The following PREX2 variants were observed in gnomAD, a reference collection of about 807,000 sequenced individuals.
PREX2 encodes the protein phosphatidylinositol 3,4,5-trisphosphate-dependent Rac exchanger 2 protein.
A neutral mutation model predicts 203.2 loss-of-function variants in PREX2; 107 were observed. The ratio of observed to expected loss-of-function variants is 0.53; its 90% CI spans 0.45 to 0.62. PREX2 has a LOEUF of 0.62. Among genes scored for constraint, PREX2 ranks in the 20% least tolerant of loss-of-function variants. PREX2 has a pLI of 0.00. For synonymous variants in PREX2, 672 were observed against 663.6 expected, an observed-to-expected ratio of 1.01 and a Z score of -0.19; for missense variants, 1,777 against 1,955.9, an observed-to-expected ratio of 0.91 and a Z score of 1.72.
intron 32 of PREX2, among the ~76,000 whole-genome samples, chr8:68,136,907 A>C (rs1335564692): frequency 2.2e-4 from 33 of 149,166 alleles, no homozygotes; most frequent in African/African-American, 7.6e-4. Context: ...AGGTTACAGC[A>C]ACTTTTTTTT....
rs1354567033 is a variant in PREX2, at chr8:68,046,677, TAAGATGAAA to T, written c.943+2089_943+2097del. ...TTCGCAGGCTTGATTTTCTTTAAAG[TAAGATGAAA>T]ACATTTATTACATCTTGTATTATTC... is the stretch of plus-strand genomic sequence containing the variant. On this transcript the variant is annotated intron_variant, in intron 8 of 39. Transcript: ENST00000288368. Among the ~76,000 whole-genome samples, 46 of 152,238 alleles carry T rather than the reference TAAGATGAAA, an allele frequency of 3.0e-4. 1 individual carries two copies. The Middle Eastern group carries it at 0.017, about 56-fold the overall frequency.
chr8:68,013,341 ACAAT>A (rs1453870243), intron 1 of PREX2, among the ~76,000 whole-genome samples: 2 of 152,172 alleles, frequency 1.3e-5, no homozygotes, highest in African/African-American at 4.8e-5. Context: ...TGTGCCAGTG[ACAAT>A]CAACTTTTTA....
At chr8:67,962,409 G>A (rs530161878) in intron 1 of PREX2, among the ~76,000 whole-genome samples, 56 of 151,990 alleles carry the variant, frequency 3.7e-4, no homozygotes, top group African/African-American at 1.3e-3. Flanking sequence ...GACCATCTAT[G>A]GAAAGGCATT....
At chr8:68,087,169 C>T (rs1809717787) in intron 18 of PREX2, among the ~76,000 whole-genome samples, 1 of 152,138 alleles carries the variant, frequency 6.6e-6, no homozygotes. Flanking sequence ...CTTTCTGTGT[C>T]AGAGTAGTTA....
At chr8:68,154,872 A>G (rs925170828) in intron 34 of PREX2, among the ~76,000 whole-genome samples, 49 of 152,304 alleles carry the variant, frequency 3.2e-4, no homozygotes, top group Non-Finnish European at 1.6e-4. Context: ...ACCCTTCTTC[A>G]TAGGCGATGG....
At chr8:68,080,354 C>T in intron 15 of PREX2, 89 bp from the exon 16 acceptor site, 1 of 1,117,488 alleles carries the variant, frequency 8.9e-7, no homozygotes. Context: ...GTTATGGGTG[C>T]AGGTATTAAT....
chr8:68,033,230 T>C (rs974819537), intron 6 of PREX2, among the ~76,000 whole-genome samples: 1 of 152,164 alleles, frequency 6.6e-6, no homozygotes, highest in Non-Finnish European at 1.5e-5. Flanking sequence ...GCAAAACATA[T>C]GACAGTGAGA....
chr8:68,062,595 A>G (rs1808890697), intron 11 of PREX2, among the ~76,000 whole-genome samples: 1 of 152,190 alleles, frequency 6.6e-6, no homozygotes, highest in South Asian at 2.1e-4. Flanking sequence ...ACAGTTATTT[A>G]TTAATCCCTA....
At chr8:68,184,499 TA>T (rs557517158) in intron 35 of PREX2, among the ~76,000 whole-genome samples, 7 of 152,202 alleles carry the variant, frequency 4.6e-5, no homozygotes, top group Non-Finnish European at 8.8e-5. Context: ...AAAAGCAACC[TA>T]ATACCGTTTA....
At position 68,120,937 on chromosome 8, in the gene PREX2, GGA is replaced by G. The variant is rs775433990; in HGVS notation, c.3613_3614del (p.Glu1205ThrfsTer36). 2.5e-6 allele frequency: 4 copies of G among 1,612,354 alleles called. No homozygotes were observed. The highest frequency in any genetic ancestry group is 8.5e-7 in the Non-Finnish European group (1 of 1,179,224). On this transcript the variant is annotated frameshift_variant, in exon 30 of 40. Coordinates refer to ENST00000288368, the MANE Select transcript of PREX2 (RefSeq NM_024870.4). LOFTEE classifies it high-confidence loss of function. ...RGLQEFQQEMEPKLSCPKRLR... is the reference protein window; with the variant it reads ...RGLQEFQQEMXPKLSCPKRLR... ...TTTATTTAGAATTTCAACAGGAAATGGAACCAAAGCTGAGTTGTCCAAAAAGG... is the reference window on the plus strand; with the variant it reads ...TTTATTTAGAATTTCAACAGGAAATGACCAAAGCTGAGTTGTCCAAAAAGG...
Position 68,065,652 on chromosome 8 carries a change from C to T in PREX2, c.1340-3381C>T, listed in dbSNP as rs574392199. Among the ~76,000 whole-genome samples the T allele has an allele frequency of 1.1e-4, 17 of 152,250 alleles. No homozygotes were observed. The South Asian group carries it at 3.1e-3, about 28-fold the overall frequency. Reference sequence around the variant, plus strand: ...CTGACAACTTTCTTTCCTCTTTCAACATTTCTAGCAAAAAAATAAAGGTCA... The same window carrying T: ...CTGACAACTTTCTTTCCTCTTTCAATATTTCTAGCAAAAAAATAAAGGTCA... On this transcript the variant is annotated intron_variant, in intron 11 of 39. Coordinates refer to ENST00000288368, the MANE Select transcript of PREX2 (RefSeq NM_024870.4).
At chr8:68,149,718 A>G (rs576991250) in intron 34 of PREX2, among the ~76,000 whole-genome samples, 2 of 152,260 alleles carry the variant, frequency 1.3e-5, no homozygotes, top group African/African-American at 4.8e-5. Context: ...TTTAGAGAAT[A>G]CCCAGGCTCT....
At chr8:68,085,037 C>T (rs1004865346) in intron 18 of PREX2, among the ~76,000 whole-genome samples, 4 of 152,084 alleles carry the variant, frequency 2.6e-5, no homozygotes, top group African/African-American at 9.7e-5. Context: ...TCTTAGTGTT[C>T]GTTGCGCTGT....
intron 4 of PREX2, among the ~76,000 whole-genome samples, chr8:68,025,840 A>G (rs1417624077): frequency 2.0e-5 from 3 of 152,092 alleles, no homozygotes; most frequent in African/African-American, 7.2e-5. Context: ...AACCTGTGGT[A>G]TTATGAATTG....
At chr8:68,020,037 A>G (rs1218706527) in intron 3 of PREX2, among the ~76,000 whole-genome samples, 1 of 152,148 alleles carries the variant, frequency 6.6e-6, no homozygotes, top group East Asian at 1.9e-4. Flanking sequence ...TAATGGCACG[A>G]TGAGCCTTTT....
intron 38 of PREX2, 61 bp from the exon 39 acceptor site, chr8:68,224,498 A>G (rs1813017596): frequency 1.6e-6 from 2 of 1,250,422 alleles, no homozygotes; most frequent in African/African-American, 1.5e-5. Flanking sequence ...ACAAATGTTA[A>G]TGGTATGTTA....
intron 35 of PREX2, among the ~76,000 whole-genome samples, chr8:68,159,995 A>G (rs1357325384): frequency 6.6e-6 from 1 of 152,184 alleles, no homozygotes; most frequent in Non-Finnish European, 1.5e-5. Context: ...TAGAAAATAA[A>G]ACATAAAAAG....
At chr8:68,148,722 T>A (rs1331138354) in intron 34 of PREX2, among the ~76,000 whole-genome samples, 1 of 152,148 alleles carries the variant, frequency 6.6e-6, no homozygotes, top group African/African-American at 2.4e-5. Flanking sequence ...ATATGAAAAA[T>A]GATTTGAATA....
intron 3 of PREX2, among the ~76,000 whole-genome samples, chr8:68,020,203 C>A (rs1807528942): frequency 6.6e-6 from 1 of 152,058 alleles, no homozygotes; most frequent in African/African-American, 2.4e-5. Flanking sequence ...TCAAATTACA[C>A]ATCCTGTGCC....
Sources: allele counts gnomAD v4.1 joint callset (sites outside exome capture counted in the v4.1 genomes callset), GRCh38; gene constraint gnomAD v4.1.1; transcripts MANE v1.5; gene names NCBI Gene and HGNC (gene_info 2026-07-23, HGNC 2026-07-21).